NRXN3: variants seen among roughly 807,000 people sequenced by gnomAD.
The protein encoded by NRXN3 is neurexin 3, also known as neurexin III.
Under a neutral mutation model 137.6 loss-of-function variants are expected in NRXN3, and 32 were observed. The ratio of observed to expected loss-of-function variants is 0.23; its 90% CI spans 0.18 to 0.31. The LOEUF is 0.31. NRXN3 is among the 10% of genes least tolerant of loss of function. The pLI is 1.00. For missense variants in NRXN3, 1,574 were observed against 2,062.5 expected (o/e 0.76, Z 4.59); for synonymous variants, 798 against 784.5 (o/e 1.02, Z -0.29).
At chr14:78,907,924 A>G (rs1376050282) in intron 10 of NRXN3, among the ~76,000 whole-genome samples, 1 of 152,118 alleles carries the variant, frequency 6.6e-6, no homozygotes, top group African/African-American at 2.4e-5. Flanking sequence ...TAGTTTGCTA[A>G]GGATAATGGC....
chr14:78,299,350 G>A (rs572837122), intron 4 of NRXN3, among the ~76,000 whole-genome samples: 1 of 152,290 alleles, frequency 6.6e-6, no homozygotes, highest in African/African-American at 2.4e-5. Context: ...GCTTGAGAGA[G>A]TTAAGCACAT....
At chr14:79,556,704 C>T (rs1411026967) in intron 16 of NRXN3, among the ~76,000 whole-genome samples, 1 of 152,088 alleles carries the variant, frequency 6.6e-6, no homozygotes, top group Non-Finnish European at 1.5e-5. Flanking sequence ...TACAGGCATG[C>T]ACCATCACAC....
At chr14:79,129,956 T>C (rs868502271) in intron 15 of NRXN3, among the ~76,000 whole-genome samples, 2,162 of 148,422 alleles carry the variant, frequency 0.015, 49 homozygotes, top group African/African-American at 0.052. Flanking sequence ...CTCTTTTGAT[T>C]TTTGTTGGTT....
rs376007907 is a variant in NRXN3, at chr14:79,440,806, G to A, written c.3263-26415G>A. On this transcript the variant is annotated intron_variant, in intron 15 of 20. Coordinates refer to ENST00000335750, the MANE Select transcript of NRXN3 (RefSeq NM_001330195.2). The stretch of plus-strand genomic sequence containing the variant: ...AGGAGTACTCAGTACGATTATTTAC[G>A]GTAATATATTTATTGGGTAAATTAG... Among the ~76,000 whole-genome samples, 44 of 152,156 alleles carry A rather than the reference G, an allele frequency of 2.9e-4. 1 individual carries two copies. The highest frequency in any genetic ancestry group is 9.6e-4 in the African/African-American group (40 of 41,506).
At chr14:79,648,924 G>GTT (rs2098463434) in intron 16 of NRXN3, among the ~76,000 whole-genome samples, 1 of 152,136 alleles carries the variant, frequency 6.6e-6, no homozygotes, top group Admixed American at 6.6e-5. Flanking sequence ...TTCCTAAGAT[G>GTT]TTTGCCTCTA....
At chr14:78,475,044 CTTA>C (rs2095354045) in intron 4 of NRXN3, among the ~76,000 whole-genome samples, 1 of 152,118 alleles carries the variant, frequency 6.6e-6, no homozygotes, top group African/African-American at 2.4e-5. Context: ...TACAGCCTAA[CTTA>C]ATTGCAAGGT....
intron 10 of NRXN3, among the ~76,000 whole-genome samples, chr14:78,877,308 A>C (rs1307558209): frequency 2.0e-5 from 3 of 152,114 alleles, no homozygotes; most frequent in Admixed American, 2.0e-4. Flanking sequence ...TTGAATGAAT[A>C]TTGGTTATTG....
At position 78,957,553 on chromosome 14, in the gene NRXN3, G is replaced by T. The variant is rs533980143; in HGVS notation, c.2395+192G>T. 2.0e-5 allele frequency among the ~76,000 whole-genome samples: 3 copies of T among 152,284 alleles called. No homozygotes were observed. In the East Asian group the frequency reaches 5.8e-4, roughly 29 times the overall value. On this transcript the variant is annotated intron_variant, in intron 11 of 20. Transcript: ENST00000335750. Reference sequence around the variant, plus strand: ...TTACAATACCTTTTCATCAATGTGCGTTATGGAAATTACCTACTAACTATA... The same window carrying T: ...TTACAATACCTTTTCATCAATGTGCTTTATGGAAATTACCTACTAACTATA...
intron 19 of NRXN3, among the ~76,000 whole-genome samples, chr14:79,699,795 G>A (rs189874265): frequency 2.9e-4 from 44 of 151,964 alleles, no homozygotes; most frequent in Admixed American, 2.5e-3. Context: ...AGTAATTATC[G>A]AACTACATCT....
intron 15 of NRXN3, among the ~76,000 whole-genome samples, chr14:79,400,314 C>T (rs61993118): frequency 0.31 from 46,730 of 151,904 alleles, 7,944 homozygotes; most frequent in Middle Eastern, 0.52. Context: ...GGCATAGGTC[C>T]GACCATTGCT....
chr14:78,809,693 C>T (rs2098898805), intron 9 of NRXN3, among the ~76,000 whole-genome samples: 1 of 152,126 alleles, frequency 6.6e-6, no homozygotes, highest in South Asian at 2.1e-4. Flanking sequence ...ATGCAAATTT[C>T]TATAGCATTT....
chr14:78,959,689 C>A (rs1054691199), intron 11 of NRXN3, among the ~76,000 whole-genome samples: 1 of 152,138 alleles, frequency 6.6e-6, no homozygotes, highest in South Asian at 2.1e-4. Context: ...CTGAAATGAA[C>A]ATTTTAAAAG....
At chr14:79,826,831 A>G (rs1211159977) in intron 20 of NRXN3, among the ~76,000 whole-genome samples, 1 of 152,196 alleles carries the variant, frequency 6.6e-6, no homozygotes, top group Non-Finnish European at 1.5e-5. Context: ...GTCACAGACC[A>G]GTAAGAGCAA....
chr14:79,526,074 T>G (rs1032526410), intron 16 of NRXN3, among the ~76,000 whole-genome samples: 12 of 151,816 alleles, frequency 7.9e-5, no homozygotes, highest in African/African-American at 2.9e-4. Flanking sequence ...TGAGACGGAG[T>G]TTTGCTTTTG....
At chr14:78,824,414 C>T (rs2098960502) in intron 10 of NRXN3, among the ~76,000 whole-genome samples, 2 of 152,170 alleles carry the variant, frequency 1.3e-5, no homozygotes, top group South Asian at 4.1e-4. Context: ...ATGCACTATT[C>T]ATCATTGTAT....
chr14:78,484,173 C>T (rs1038050465), intron 4 of NRXN3, among the ~76,000 whole-genome samples: 1 of 152,080 alleles, frequency 6.6e-6, no homozygotes, highest in African/African-American at 2.4e-5. Context: ...TACACTAGTG[C>T]CACAGAGTTT....
At chr14:79,537,862 G>A (rs143890855) in intron 16 of NRXN3, among the ~76,000 whole-genome samples, 84,330 of 151,984 alleles carry the variant, frequency 0.55, 26,778 homozygotes, top group Non-Finnish European at 0.7. Context: ...CTGAGGAATC[G>A]CCACACTGAC....
chr14:79,665,318 A>G (rs940043276), intron 17 of NRXN3, among the ~76,000 whole-genome samples: 15 of 152,120 alleles, frequency 9.9e-5, no homozygotes, highest in African/African-American at 3.1e-4. Flanking sequence ...CAGCTCAGCC[A>G]TTGCTAGGGG....
chr14:78,224,675 T>C, intron 1 of NRXN3, among the ~76,000 whole-genome samples: 1 of 151,972 alleles, frequency 6.6e-6, no homozygotes, highest in Non-Finnish European at 1.5e-5. Context: ...CAGTCTATCA[T>C]TATTGGACAT....
Sources: allele counts gnomAD v4.1 joint callset (sites outside exome capture counted in the v4.1 genomes callset), GRCh38; gene constraint gnomAD v4.1.1; transcripts MANE v1.5; gene names NCBI Gene and HGNC (gene_info 2026-07-23, HGNC 2026-07-21).